MALRD1: variants seen among roughly 807,000 people sequenced by gnomAD.
The protein encoded by MALRD1 is MAM and LDL-receptor class A domain-containing protein 1.
MALRD1 carries 247 observed loss-of-function variants against 242.1 expected under a neutral mutation model. The observed-to-expected ratio is 1.02, with a 90% CI of 0.92 to 1.13. The LOEUF (loss-of-function observed/expected upper bound fraction) is 1.13, where lower values mean the gene tolerates loss of function less well. MALRD1 is among the 50% of genes most tolerant of loss of function. The pLI, the probability that MALRD1 is intolerant of heterozygous loss-of-function variation, is 0.00. For synonymous variants in MALRD1, 995 were observed against 866.6 expected, an observed-to-expected ratio of 1.15 and a Z score of -2.60; for missense variants, 2,989 against 2,533.1, an observed-to-expected ratio of 1.18 and a Z score of -3.86.
chr10:19,309,646 G>A (rs529882303), intron 21 of MALRD1, among the ~76,000 whole-genome samples: 3 of 151,664 alleles, frequency 2.0e-5, no homozygotes, highest in African/African-American at 7.2e-5. Context: ...GAAATGTATG[G>A]CATGAACTAG....
chr10:19,175,002 C>T (rs1044994847), intron 13 of MALRD1, among the ~76,000 whole-genome samples: 1 of 151,970 alleles, frequency 6.6e-6, no homozygotes, highest in Non-Finnish European at 1.5e-5. Flanking sequence ...AACAAGGTTA[C>T]CTTTGGCATT....
intron 29 of MALRD1, chr10:19,491,196 G>C (rs1487500508): frequency 7.5e-6 from 4 of 533,300 alleles, no homozygotes; most frequent in South Asian, 1.5e-5. Flanking sequence ...GGATTTGGTG[G>C]CAGGCTGCAC....
intron 34 of MALRD1, among the ~76,000 whole-genome samples, chr10:19,595,667 G>A (rs1290937172): frequency 1.3e-5 from 2 of 152,072 alleles, no homozygotes; most frequent in African/African-American, 4.8e-5. Flanking sequence ...GCTAATTTTT[G>A]TTAAACCTAT....
At chr10:19,458,312 T>C (rs11593155) in intron 29 of MALRD1, among the ~76,000 whole-genome samples, 1 of 152,234 alleles carries the variant, frequency 6.6e-6, no homozygotes, top group Non-Finnish European at 1.5e-5. Flanking sequence ...AAATAGCTTG[T>C]TATAATTAGT....
rs141767194 is a variant in MALRD1 at position 19,482,868 on chromosome 10, C to T, written c.5030-8649C>T. Among the ~76,000 whole-genome samples, 382 of 152,014 alleles carry T rather than the reference C, an allele frequency of 2.5e-3. 4 individuals carry two copies. The highest frequency in any genetic ancestry group is 8.9e-3 in the African/African-American group (370 of 41,462). On this transcript the variant is annotated intron_variant, in intron 29 of 39. Transcript: ENST00000454679. ...AGTATCATTAAAATGGCCATACTGCCCAAATCAGTCAGCAGATTCAATGCT... is the reference window on the plus strand; with the variant it reads ...AGTATCATTAAAATGGCCATACTGCTCAAATCAGTCAGCAGATTCAATGCT...
At chr10:19,625,740 C>G (rs989078814) in intron 36 of MALRD1, among the ~76,000 whole-genome samples, 1 of 152,116 alleles carries the variant, frequency 6.6e-6, no homozygotes, top group Admixed American at 6.5e-5. Flanking sequence ...TAGTTGTTTT[C>G]TTTACTGAAG....
chr10:19,052,356 AC>A lies in MALRD1; in HGVS notation c.199+3220del, dbSNP rs1834534114. Among the ~76,000 whole-genome samples the A allele has an allele frequency of 7.9e-5, 12 of 152,322 alleles. No homozygotes were observed. In the South Asian group the frequency reaches 2.3e-3, roughly 29 times the overall value. ...TTTATCTTAACATACTGTAAATGTT[AC>A]TTTTTTTTGTCCATTTGAAATATAT... On this transcript the variant is annotated intron_variant, in intron 1 of 39. Transcript: ENST00000454679.
intron 25 of MALRD1, among the ~76,000 whole-genome samples, chr10:19,349,103 A>G (rs573941000): frequency 4.5e-4 from 69 of 152,096 alleles, no homozygotes; most frequent in Middle Eastern, 3.2e-3. Flanking sequence ...CTGGGATTAC[A>G]GGCGTGCACA....
At chr10:19,525,793 C>A (rs1303949253) in intron 31 of MALRD1, among the ~76,000 whole-genome samples, 1 of 152,036 alleles carries the variant, frequency 6.6e-6, no homozygotes, top group African/African-American at 2.4e-5. Context: ...GAACACTACA[C>A]CTGGTAGTAT....
At chr10:19,483,663 T>C (rs1837115514) in intron 29 of MALRD1, among the ~76,000 whole-genome samples, 2 of 152,006 alleles carry the variant, frequency 1.3e-5, no homozygotes, top group African/African-American at 4.8e-5. Context: ...GAGGTAATGC[T>C]TATACACTGC....
intron 18 of MALRD1, among the ~76,000 whole-genome samples, chr10:19,233,565 A>G (rs1430476842): frequency 6.6e-6 from 1 of 151,552 alleles, no homozygotes; most frequent in African/African-American, 2.4e-5. Context: ...ATTGTAAATG[A>G]TTTTTTTTCC....
chr10:19,519,839 G>A (rs1339804150), intron 31 of MALRD1, among the ~76,000 whole-genome samples: 1 of 152,130 alleles, frequency 6.6e-6, no homozygotes, highest in African/African-American at 2.4e-5. Context: ...AAATACTTTA[G>A]TTTGGAACAA....
chr10:19,553,096 T>C (rs1295593032), intron 32 of MALRD1, among the ~76,000 whole-genome samples: 1 of 152,118 alleles, frequency 6.6e-6, no homozygotes, highest in Non-Finnish European at 1.5e-5. Flanking sequence ...AGAGGACTAT[T>C]TTATTTATAT....
chr10:19,427,231 C>G (rs1038198100), intron 28 of MALRD1, among the ~76,000 whole-genome samples: 10 of 152,166 alleles, frequency 6.6e-5, no homozygotes, highest in Admixed American at 3.9e-4. Flanking sequence ...AATTAATCCA[C>G]TATTCATGGG....
intron 21 of MALRD1, among the ~76,000 whole-genome samples, chr10:19,294,976 T>A (rs1588869659): frequency 6.6e-6 from 1 of 152,104 alleles, no homozygotes; most frequent in African/African-American, 2.4e-5. Flanking sequence ...TTTAATTTTG[T>A]TTGCAATCTG....
In MALRD1 at chr10:19,382,295, A is replaced by C. The variant is rs553452434; in HGVS notation, c.4442-5233A>C. Among the ~76,000 whole-genome samples the C allele has an allele frequency of 1.4e-4, 21 of 152,160 alleles. No homozygotes were observed. The South Asian group carries it at 3.1e-3, about 23-fold the overall frequency. On this transcript the variant is annotated intron_variant, in intron 26 of 39. Coordinates refer to ENST00000454679, the MANE Select transcript of MALRD1 (RefSeq NM_001142308.3). ...AACAGGCCTGATCTACTTGTAGTGT[A>C]GTGTGATGCATGGGATGACATCTGA...
At chr10:19,118,382 T>C (rs543535186) in intron 5 of MALRD1, among the ~76,000 whole-genome samples, 78 of 152,226 alleles carry the variant, frequency 5.1e-4, no homozygotes, top group Middle Eastern at 6.8e-3. Flanking sequence ...AAAATATCAA[T>C]CAATGAATGC....
chr10:19,700,218 C>T (rs1049421430), intron 38 of MALRD1, among the ~76,000 whole-genome samples: 1 of 152,148 alleles, frequency 6.6e-6, no homozygotes, highest in Non-Finnish European at 1.5e-5. Flanking sequence ...CATCTCTTCT[C>T]TGTCTCTACT....
intron 34 of MALRD1, 114 bp downstream of exon 34, chr10:19,595,571 T>A: frequency 8.3e-7 from 1 of 1,199,260 alleles, no homozygotes; most frequent in Non-Finnish European, 1.1e-6. Context: ...ATTGTATCAT[T>A]AATAACACAG....
Sources: gnomAD v4.1 joint callset for allele counts (sites outside exome capture counted in the v4.1 genomes callset) on GRCh38, gnomAD v4.1.1 for gene constraint, MANE v1.5 for transcripts, NCBI Gene and HGNC (gene_info 2026-07-23, HGNC 2026-07-21) for gene names.